RHOBTB1: variants seen among roughly 807,000 people sequenced by gnomAD.
The protein encoded by RHOBTB1 is Rho related BTB domain containing 1.
In RHOBTB1, 40 loss-of-function variants were observed where a neutral mutation model predicts 71.6. The observed-to-expected ratio is 0.56, with a 90% confidence interval of 0.43 to 0.73. The LOEUF is 0.73. Ranked by LOEUF, RHOBTB1 falls within the 30% of genes least tolerant of loss-of-function variation. The pLI is 0.00. For synonymous variants in RHOBTB1, 319 were observed against 334.9 expected (o/e 0.95, Z 0.52); for missense variants, 797 against 894.0 (o/e 0.89, Z 1.38).
chr10:60,983,295 C>T (rs546801897), intron 2 of RHOBTB1, among the ~76,000 whole-genome samples: 9 of 152,230 alleles, frequency 5.9e-5, no homozygotes, highest in African/African-American at 2.2e-4. Flanking sequence ...ATTGGTATTA[C>T]ACTTTACATA....
At chr10:60,909,214 G>C (rs2082840867) in intron 4 of RHOBTB1, among the ~76,000 whole-genome samples, 1 of 152,196 alleles carries the variant, frequency 6.6e-6, no homozygotes, top group South Asian at 2.1e-4. Context: ...AATCTCACAA[G>C]ATAATGAAGC....
chr10:60,955,764 A>G (rs2134448696), intron 2 of RHOBTB1, among the ~76,000 whole-genome samples: 1 of 152,320 alleles, frequency 6.6e-6, no homozygotes, highest in Non-Finnish European at 1.5e-5. Flanking sequence ...CAAGGGAAAC[A>G]GGAACCCATA....
Position 60,940,236 on chromosome 10 carries a change from G to C in RHOBTB1, c.-11+1568C>G, listed in dbSNP as rs147428573. Among the ~76,000 whole-genome samples the C allele has an allele frequency of 4.5e-3, 692 of 152,176 alleles. 2 individuals are homozygous for C. Among genetic ancestry groups the C allele is most frequent in the Non-Finnish European group, 6.3e-3 (429 of 67,982 alleles). On this transcript the variant is annotated intron_variant, in intron 2 of 10. Coordinates refer to ENST00000337910, the MANE Select transcript of RHOBTB1 (RefSeq NM_014836.5). The stretch of plus-strand genomic sequence containing the variant: ...TGGGGGTTATCAGCACATTAAAAAA[G>C]ATGATATCCTAAGGTTTGCTTTAAT...
intron 1 of RHOBTB1, among the ~76,000 whole-genome samples, chr10:60,987,360 C>G (rs1257115047): frequency 6.6e-6 from 1 of 152,082 alleles, no homozygotes; most frequent in Non-Finnish European, 1.5e-5. Context: ...CATCCCCATC[C>G]TCTCCTGAAT....
intron 2 of RHOBTB1, among the ~76,000 whole-genome samples, chr10:60,920,731 C>A (rs1346644905): frequency 6.6e-6 from 1 of 151,812 alleles, no homozygotes; most frequent in Non-Finnish European, 1.5e-5. Context: ...CTCACTGCAA[C>A]CCCTACCTCC....
chr10:60,982,485 A>C (rs2086532055), intron 2 of RHOBTB1, among the ~76,000 whole-genome samples: 1 of 152,162 alleles, frequency 6.6e-6, no homozygotes, highest in Admixed American at 6.5e-5. Context: ...CCTTGATACC[A>C]TTGATTTTGT....
At chr10:60,895,046 G>A (rs914057458) in intron 4 of RHOBTB1, among the ~76,000 whole-genome samples, 8 of 152,138 alleles carry the variant, frequency 5.3e-5, no homozygotes, top group Admixed American at 5.2e-4. Flanking sequence ...ACAGGACCTT[G>A]GGGGTTGGAA....
At chr10:61,000,371 T>C (rs1485815770) in intron 1 of RHOBTB1, among the ~76,000 whole-genome samples, 1 of 151,928 alleles carries the variant, frequency 6.6e-6, no homozygotes, top group South Asian at 2.1e-4. Flanking sequence ...ATATTTTGGG[T>C]TTTTTCCCAG....
chr10:60,978,009 T>C (rs992169728), intron 2 of RHOBTB1, among the ~76,000 whole-genome samples: 1 of 152,082 alleles, frequency 6.6e-6, no homozygotes, highest in Non-Finnish European at 1.5e-5. Flanking sequence ...GAAAATAAAA[T>C]GCCGATATAT....
Position 60,888,338 on chromosome 10 carries a change from C to T in RHOBTB1, c.1330G>A (p.Asp444Asn), listed in dbSNP as rs2081700464. The part of the protein sequence containing the change: ...AQIAEVLEMF[D>N]LRMMVENIMN... ...ATGTTTTCCACCATCATCCTCAAAT[C>T]GAACATCTCGAGGACCTCTGCGATC... is the stretch of plus-strand genomic sequence containing the variant. Residue 444 changes from aspartate to asparagine, a missense_variant, in exon 6 of 11, where the codon GAT becomes AAT. Physicochemically the swap from Asp to Asn is conservative, Grantham distance 23. Coordinates refer to ENST00000337910, the MANE Select transcript of RHOBTB1 (RefSeq NM_014836.5). 6.2e-7 allele frequency: 1 copy of T among 1,614,152 alleles called. No homozygotes were observed. Among genetic ancestry groups the T allele is most frequent in the Non-Finnish European group, 8.5e-7 (1 of 1,180,020 alleles).
chr10:60,904,690 G>A (rs1379211508), intron 4 of RHOBTB1, among the ~76,000 whole-genome samples: 1 of 152,180 alleles, frequency 6.6e-6, no homozygotes, highest in Non-Finnish European at 1.5e-5. Flanking sequence ...TCTAGGTACT[G>A]GCTAAAATTG....
At chr10:60,875,155 C>T in intron 8 of RHOBTB1, 113 bp from the exon 9 acceptor site, 1 of 735,074 alleles carries the variant, frequency 1.4e-6, no homozygotes, top group Non-Finnish European at 2.4e-6. Context: ...TGGGACACAG[C>T]TCTGGGCAGG....
intron 4 of RHOBTB1, among the ~76,000 whole-genome samples, chr10:60,896,139 T>C (rs1259244188): frequency 6.6e-6 from 1 of 152,244 alleles, no homozygotes; most frequent in Non-Finnish European, 1.5e-5. Flanking sequence ...GCCAAGGAAC[T>C]AGAGATATTA....
At chr10:60,942,309 T>C (rs976197202) in intron 1 of RHOBTB1, among the ~76,000 whole-genome samples, 5 of 152,260 alleles carry the variant, frequency 3.3e-5, no homozygotes, top group Non-Finnish European at 7.3e-5. Context: ...ATTTGTATTA[T>C]TGAGCCAATA....
At chr10:60,871,771 G>A in intron 10 of RHOBTB1, 120 bp from the exon 11 acceptor site, 1 of 894,424 alleles carries the variant, frequency 1.1e-6, no homozygotes, top group Non-Finnish European at 1.7e-6. Flanking sequence ...CAGAGACTGT[G>A]ATTAGGGCCA....
downstream of RHOBTB1, among the ~76,000 whole-genome samples, chr10:60,867,427 T>C (rs544003495): frequency 5.3e-5 from 8 of 152,330 alleles, no homozygotes; most frequent in South Asian, 1.7e-3. Context: ...CTTCGAAGCA[T>C]GGGGCCACAT....
intron 9 of RHOBTB1, among the ~76,000 whole-genome samples, chr10:60,874,497 T>C (rs1050602570): frequency 4.6e-5 from 7 of 152,188 alleles, no homozygotes; most frequent in Non-Finnish European, 8.8e-5. Flanking sequence ...GGCAAGTCTG[T>C]ATTGGGATTA....
intron 2 of RHOBTB1, among the ~76,000 whole-genome samples, chr10:60,983,334 T>C (rs1190923705): frequency 6.6e-6 from 1 of 152,116 alleles, no homozygotes; most frequent in Non-Finnish European, 1.5e-5. Context: ...TAAATAACAA[T>C]TAACTGAATG....
At chr10:60,995,348 C>CT (rs2087011967) in intron 1 of RHOBTB1, among the ~76,000 whole-genome samples, 1 of 152,038 alleles carries the variant, frequency 6.6e-6, no homozygotes, top group Non-Finnish European at 1.5e-5. Flanking sequence ...AATGACTGGC[C>CT]TGGGGGAGGA....
Sources: allele counts gnomAD v4.1 joint callset (sites outside exome capture counted in the v4.1 genomes callset), GRCh38; gene constraint gnomAD v4.1.1; transcripts MANE v1.5; gene names NCBI Gene and HGNC (gene_info 2026-07-23, HGNC 2026-07-21).